NTM: variants seen among roughly 807,000 people sequenced by gnomAD.
NTM encodes the protein IgLON family member 2.
NTM carries 13 observed loss-of-function variants against 42.1 expected under a neutral mutation model. That is an observed-to-expected ratio of 0.31 (90% CI 0.20 to 0.49). The LOEUF (loss-of-function observed/expected upper bound fraction) is 0.49. NTM is among the 20% of genes least tolerant of loss of function. The probability of loss-of-function intolerance (pLI) is 0.99; values close to 1 mark genes in which losing one functional copy is unlikely to be tolerated. For missense variants in NTM, 373 were observed against 452.8 expected (o/e 0.82, Z 1.60); for synonymous variants, 187 against 179.2 (o/e 1.04, Z -0.35).
chr11:131,714,861 G>A (rs966194094), intron 1 of NTM, among the ~76,000 whole-genome samples: 2 of 151,912 alleles, frequency 1.3e-5, no homozygotes, highest in Non-Finnish European at 2.9e-5. Context: ...AGTTTCCCGT[G>A]GCTAAGAAAC....
chr11:132,203,892 C>T (rs1592202683), intron 3 of NTM, among the ~76,000 whole-genome samples: 1 of 146,084 alleles, frequency 6.8e-6, no homozygotes. Context: ...GAATGAGACT[C>T]CATCTCAAAA....
chr11:132,107,281 T>G (rs905620843), intron 2 of NTM, among the ~76,000 whole-genome samples: 2 of 151,996 alleles, frequency 1.3e-5, no homozygotes, highest in Non-Finnish European at 2.9e-5. Flanking sequence ...CATCTTGAAG[T>G]TTTCATGTGA....
At chr11:131,611,989 T>A (rs1414452752) in intron 1 of NTM, among the ~76,000 whole-genome samples, 2 of 152,134 alleles carry the variant, frequency 1.3e-5, no homozygotes, top group Non-Finnish European at 2.9e-5. Flanking sequence ...CCACAGTCTG[T>A]GAATAATAGA....
At chr11:131,839,493 T>G (rs1017473986) in intron 1 of NTM, among the ~76,000 whole-genome samples, 3 of 152,174 alleles carry the variant, frequency 2.0e-5, no homozygotes, top group African/African-American at 4.8e-5. Flanking sequence ...CCTCAGGCCA[T>G]GCTATCCTGC....
chr11:132,104,403 G>A (rs557468260), intron 2 of NTM, among the ~76,000 whole-genome samples: 16 of 148,484 alleles, frequency 1.1e-4, no homozygotes, highest in Non-Finnish European at 8.9e-5. Context: ...TATTTTTTTC[G>A]TAAAGTTTAT....
At chr11:132,227,862 G>T (rs1364714791) in intron 4 of NTM, among the ~76,000 whole-genome samples, 2 of 152,114 alleles carry the variant, frequency 1.3e-5, no homozygotes, top group Non-Finnish European at 2.9e-5. Flanking sequence ...GGGAAAAATT[G>T]CTTGGAGTGG....
At chr11:131,499,967 C>T (rs552006482) in intron 1 of NTM, among the ~76,000 whole-genome samples, 218 of 152,264 alleles carry the variant, frequency 1.4e-3, no homozygotes, top group Middle Eastern at 6.8e-3. Flanking sequence ...ATGTGTGTTC[C>T]GGCACAAACC....
chr11:132,138,020 T>A (rs1001611441), intron 2 of NTM, among the ~76,000 whole-genome samples: 2 of 152,132 alleles, frequency 1.3e-5, no homozygotes, highest in Non-Finnish European at 2.9e-5. Context: ...TTTCCCCAGC[T>A]CCTTTGTGCT....
chr11:132,230,188 T>C (rs1368796807), intron 4 of NTM, among the ~76,000 whole-genome samples: 3 of 152,102 alleles, frequency 2.0e-5, no homozygotes, highest in Admixed American at 6.6e-5. Flanking sequence ...AAGGGATTGA[T>C]TGGAGGGGGA....
At chr11:132,266,409 C>G (rs996477407) in intron 4 of NTM, among the ~76,000 whole-genome samples, 2 of 152,150 alleles carry the variant, frequency 1.3e-5, no homozygotes, top group African/African-American at 4.8e-5. Flanking sequence ...ATTACAACCT[C>G]AGAGCAGTGT....
chr11:132,017,748 A>G (rs1565955204), intron 2 of NTM, among the ~76,000 whole-genome samples: 3 of 152,042 alleles, frequency 2.0e-5, no homozygotes, highest in African/African-American at 4.8e-5. Flanking sequence ...GAGAATTGCC[A>G]TCATGATATA....
intron 1 of NTM, among the ~76,000 whole-genome samples, chr11:131,877,231 C>A (rs1192888493): frequency 6.6e-6 from 1 of 152,182 alleles, no homozygotes; most frequent in Non-Finnish European, 1.5e-5. Context: ...CTGCAGCAGC[C>A]ACTCTTTGGG....
rs149006735 is a variant in NTM, at chr11:132,125,175, C to A, written c.168-21107C>A. ...GGGGATGCAAACAAAGATGAGGCGACTGAGTGAGTGAATCAGGAAAGGATG... is the reference window on the plus strand; with the variant it reads ...GGGGATGCAAACAAAGATGAGGCGAATGAGTGAGTGAATCAGGAAAGGATG... On this transcript the variant is annotated intron_variant, in intron 2 of 8. Transcript: ENST00000683400. Among the ~76,000 whole-genome samples the A allele has an allele frequency of 5.1e-3, 778 of 152,266 alleles. 7 individuals carry two copies. Among genetic ancestry groups the A allele is most frequent in the African/African-American group, 0.018 (732 of 41,552 alleles).
chr11:132,222,638 C>T lies in NTM; in HGVS notation c.526+10491C>T, dbSNP rs559084322. Among the ~76,000 whole-genome samples the T allele has an allele frequency of 5.0e-4, 76 of 152,248 alleles. 1 individual carries two copies. Among genetic ancestry groups the T allele is most frequent in the Admixed American group, 3.1e-3 (47 of 15,274 alleles). ...GGCTCTCCAAATACCATGGCACAGC[C>T]GCAGCCTGCCTTTTGCACTAGAACC... On this transcript the variant is annotated intron_variant, in intron 4 of 8. Transcript: ENST00000683400.
chr11:131,900,498 A>G lies in NTM; in HGVS notation c.83-11066A>G, dbSNP rs145119868. On this transcript the variant is annotated intron_variant, in intron 1 of 8. Transcript: ENST00000683400. The stretch of plus-strand genomic sequence containing the variant: ...AAACAGAGCTGGCAAGAGCAGAAGG[A>G]GGACATCCACGTAAGATGAATTTCA... 3.2e-3 allele frequency among the ~76,000 whole-genome samples: 488 copies of G among 152,372 alleles called. 7 individuals carry two copies. Among genetic ancestry groups the G allele is most frequent in the Admixed American group, 3.6e-3 (55 of 15,310 alleles).
At chr11:131,532,740 ATTTTTC>A (rs2051482303) in intron 1 of NTM, among the ~76,000 whole-genome samples, 1 of 151,948 alleles carries the variant, frequency 6.6e-6, no homozygotes, top group African/African-American at 2.4e-5. Flanking sequence ...ACTGTTTTCT[ATTTTTC>A]TTTTTACATA....
intron 1 of NTM, among the ~76,000 whole-genome samples, chr11:131,637,724 C>G (rs2064589896): frequency 6.6e-6 from 1 of 151,990 alleles, no homozygotes; most frequent in Non-Finnish European, 1.5e-5. Flanking sequence ...AGAACAAAAC[C>G]ACACCAATCT....
chr11:131,583,068 T>A (rs1375710718), intron 1 of NTM, among the ~76,000 whole-genome samples: 1 of 152,230 alleles, frequency 6.6e-6, no homozygotes, highest in Admixed American at 6.5e-5. Context: ...CTCTCTTTGA[T>A]GATCCAAATG....
chr11:131,739,739 G>T (rs2080941047), intron 1 of NTM, among the ~76,000 whole-genome samples: 1 of 152,222 alleles, frequency 6.6e-6, no homozygotes, highest in Non-Finnish European at 1.5e-5. Flanking sequence ...AGCATGAAAA[G>T]AGGGACATTC....
Sources: gnomAD v4.1 joint callset for allele counts (sites outside exome capture counted in the v4.1 genomes callset) on GRCh38, gnomAD v4.1.1 for gene constraint, MANE v1.5 for transcripts, NCBI Gene and HGNC (gene_info 2026-07-23, HGNC 2026-07-21) for gene names.